EPB41L2: variants seen among roughly 807,000 people sequenced by gnomAD.
EPB41L2 encodes erythrocyte membrane protein band 4.1 like 2.
A neutral mutation model predicts 113.0 loss-of-function variants in EPB41L2; 43 were observed. That is an observed-to-expected ratio of 0.38 (90% CI 0.30 to 0.49). EPB41L2 has a LOEUF of 0.49. Ranked by LOEUF, EPB41L2 falls within the 20% of genes least tolerant of loss-of-function variation. The pLI is 0.95. For missense variants in EPB41L2, 1,147 were observed against 1,223.4 expected, an observed-to-expected ratio of 0.94 and a Z score of 0.93; for synonymous variants, 442 against 436.7, an observed-to-expected ratio of 1.01 and a Z score of -0.15.
At chr6:131,017,555 T>C (rs1584544040) in intron 1 of EPB41L2, among the ~76,000 whole-genome samples, 1 of 152,364 alleles carries the variant, frequency 6.6e-6, no homozygotes, top group Middle Eastern at 3.4e-3. Context: ...TTAACTCCTA[T>C]ACAGTACTTC....
chr6:130,869,969 G>T lies in EPB41L2; in HGVS notation c.2201C>A (p.Ser734Tyr). 6.2e-7 allele frequency: 1 copy of T among 1,613,622 alleles called. No homozygotes were observed. Among genetic ancestry groups the T allele is most frequent in the African/African-American group, 1.3e-5 (1 of 74,950 alleles). ...GCTGCTCTCAGAAGACAGGGAGGTG[G>T]AGTCTTTTTGTGTCACAGGCTCCAC... ...RKVEPVTQKD[S>Y]TSLSSESSSS... Residue 734 changes from serine (S) to tyrosine (Y), a missense_variant, in exon 15 of 20, where the codon TCC becomes TAC. By Grantham distance (144) the Ser-to-Tyr change is moderately radical. Transcript: ENST00000337057.
intron 19 of EPB41L2, among the ~76,000 whole-genome samples, chr6:130,842,711 C>T (rs1775897896): frequency 6.6e-6 from 1 of 151,996 alleles, no homozygotes; most frequent in Non-Finnish European, 1.5e-5. Context: ...TAAAGAAAAG[C>T]TAAAATTAAA....
chr6:130,977,128 G>A (rs540760626), intron 1 of EPB41L2, among the ~76,000 whole-genome samples: 8 of 152,154 alleles, frequency 5.3e-5, no homozygotes, highest in Admixed American at 2.0e-4. Flanking sequence ...CACCCACCTT[G>A]CCTTAGGGAT....
chr6:130,892,402 G>GTTTTTTTTTTTTTTTTTTTTTTTTTTT (rs1793188588), intron 10 of EPB41L2, among the ~76,000 whole-genome samples: 1 of 53,380 alleles, frequency 1.9e-5, no homozygotes, highest in Non-Finnish European at 4.5e-5. Flanking sequence ...ACAGATTATT[G>GTTTTTTTTTTTTTTTTTTTTTTTTTTT]CTTTTTTTTT....
chr6:130,971,090 C>T (rs759718230), intron 1 of EPB41L2, among the ~76,000 whole-genome samples: 2 of 152,094 alleles, frequency 1.3e-5, no homozygotes, highest in Non-Finnish European at 2.9e-5. Flanking sequence ...GATAGAGTCT[C>T]ACTATGTTAC....
chr6:131,056,788 C>A (rs1346402615), intron 1 of EPB41L2, among the ~76,000 whole-genome samples: 2 of 152,178 alleles, frequency 1.3e-5, no homozygotes, highest in Non-Finnish European at 2.9e-5. Flanking sequence ...TGCCCAAGGT[C>A]ACAATGGCAT....
intron 14 of EPB41L2, among the ~76,000 whole-genome samples, chr6:130,877,689 G>A (rs1180565876): frequency 6.6e-6 from 1 of 151,994 alleles, no homozygotes; most frequent in African/African-American, 2.4e-5. Context: ...TTTCCTCACA[G>A]TAATAACTTT....
chr6:130,867,656 TAA>T, intron 15 of EPB41L2, 75 bp from the exon 16 acceptor site: 1 of 1,543,572 alleles, frequency 6.5e-7, no homozygotes, highest in Non-Finnish European at 8.9e-7. Context: ...CCTTCACAAA[TAA>T]TAGTAAGAAA....
rs1785170118 is a variant in EPB41L2, at chr6:130,870,100, C to T, written c.2070G>A (p.Val690=). 1 of 1,612,516 alleles carries T rather than the reference C, an allele frequency of 6.2e-7. No individual in the cohort carries two copies. The highest frequency in any genetic ancestry group is 1.3e-5 in the African/African-American group (1 of 74,856). ...QGSSHETLNI[V]EEKKRAEVGK... ...CAACCTCTGCCCGCTTCTTCTCCTCCACTATATTCAGAGTCTCATGTGAAC... is the reference window on the plus strand; with the variant it reads ...CAACCTCTGCCCGCTTCTTCTCCTCTACTATATTCAGAGTCTCATGTGAAC... Residue 690 remains valine (V), a synonymous_variant, in exon 15 of 20, where the codon GTG becomes GTA. Transcript: ENST00000337057.
Position 130,956,245 on chromosome 6 carries a change from A to G in EPB41L2, c.241T>C (p.Trp81Arg), listed in dbSNP as rs1583908936. ...SRGISRFIPP[W>R]LKKQKSYTLV... ...GTATATGACTTTTGCTTCTTAAGCC[A>G]TGGCGGTATGAACCGAGAAATACCC... The change falls in exon 2 of 20, where the codon TGG becomes CGG. Residue 81 changes from tryptophan to arginine, a missense_variant. Physicochemically the swap from Trp to Arg is moderately radical, Grantham distance 101. Transcript: ENST00000337057. 6.2e-7 allele frequency: 1 copy of G among 1,614,102 alleles called. No individual in the cohort carries two copies. The highest frequency in any genetic ancestry group is 1.7e-5 in the Admixed American group (1 of 60,016).
At chr6:131,018,225 C>G (rs1240822448) in intron 1 of EPB41L2, among the ~76,000 whole-genome samples, 1 of 152,084 alleles carries the variant, frequency 6.6e-6, no homozygotes, top group Non-Finnish European at 1.5e-5. Context: ...TCATTTTCAC[C>G]TCTGCAAGAC....
At chr6:130,872,134 ATTATT>A (rs1562352886) in intron 14 of EPB41L2, among the ~76,000 whole-genome samples, 15 of 152,304 alleles carry the variant, frequency 9.8e-5, no homozygotes, top group African/African-American at 3.1e-4. Context: ...AATGATTTAA[ATTATT>A]CTCTGAATTT....
Position 130,901,195 on chromosome 6 carries a change from G to A in EPB41L2, c.930-15C>T, listed in dbSNP as rs1360981439. ...ACAAGAAGTATCTGTGAGGAGCAGA[G>A]GGAGAAATGGGTCAGGGGAGAACCA... On this transcript the variant is annotated splice_polypyrimidine_tract_variant and intron_variant, in intron 6 of 19. Coordinates refer to ENST00000337057, the MANE Select transcript of EPB41L2 (RefSeq NM_001431.4). The A allele has an allele frequency of 3.1e-6, 5 of 1,610,224 alleles. No individual in the cohort carries two copies. The highest frequency in any genetic ancestry group is 4.2e-6 in the Non-Finnish European group (5 of 1,178,294).
Position 130,901,137 on chromosome 6 carries a change from G to A in EPB41L2, c.973C>T (p.Arg325Cys), listed in dbSNP as rs746852489. ...LQLRQDIASG[R>C]LPCSFVTHAL... ...TGAGTCACAAAAGAGCAGGGCAGGC[G>A]GCCAGAGGCAATGTCCTGCCGGAGC... The change falls in exon 7 of 20, where the codon CGC becomes TGC. Residue 325 changes from arginine (R) to cysteine (C), a missense_variant. Physicochemically the swap from Arg to Cys is radical, Grantham distance 180. Transcript: ENST00000337057. The A allele has an allele frequency of 8.7e-6, 14 of 1,613,886 alleles. No individual in the cohort carries two copies. In the East Asian group the frequency reaches 1.6e-4, roughly 18 times the overall value.
At chr6:130,886,551 C>T (rs1289538827) in intron 11 of EPB41L2, among the ~76,000 whole-genome samples, 1 of 152,130 alleles carries the variant, frequency 6.6e-6, no homozygotes, top group African/African-American at 2.4e-5. Context: ...TTTGAATGCC[C>T]ATATCAAATC....
At chr6:130,913,064 T>C (rs985878450) in intron 4 of EPB41L2, among the ~76,000 whole-genome samples, 2 of 152,178 alleles carry the variant, frequency 1.3e-5, no homozygotes, top group Non-Finnish European at 2.9e-5. Context: ...TGGAAGCTTG[T>C]GAACCCAAGG....
At chr6:130,976,584 G>A (rs1424779118) in intron 1 of EPB41L2, among the ~76,000 whole-genome samples, 2 of 152,164 alleles carry the variant, frequency 1.3e-5, no homozygotes, top group Admixed American at 6.5e-5. Flanking sequence ...TACAGAAGGA[G>A]GAAAATGGAC....
chr6:130,972,355 GACTAAAAATAAGATAAT>G (rs199796498), intron 1 of EPB41L2, among the ~76,000 whole-genome samples: 3,689 of 140,584 alleles, frequency 0.026, 163 homozygotes, highest in African/African-American at 0.092. Context: ...AAGGAGAAAT[GACTAAAAATAAGATAAT>G]ACTACATCCA....
At chr6:130,989,137 G>A (rs1389793745) in intron 1 of EPB41L2, among the ~76,000 whole-genome samples, 1 of 152,092 alleles carries the variant, frequency 6.6e-6, no homozygotes, top group Non-Finnish European at 1.5e-5. Flanking sequence ...CCCAATATCA[G>A]ATCATTCATT....
Sources: gnomAD v4.1 joint callset for allele counts (sites outside exome capture counted in the v4.1 genomes callset) on GRCh38, gnomAD v4.1.1 for gene constraint, MANE v1.5 for transcripts, NCBI Gene and HGNC (gene_info 2026-07-23, HGNC 2026-07-21) for gene names.